Variants in RMP64 observed in about 807,000 individuals in gnomAD.
RMP64 encodes ribonuclease MRP subunit p64.
chr3:113,003,668 G>A, the RMP64 span: 2 of 152,230 alleles, frequency 1.3e-5, no homozygotes, highest in Non-Finnish European at 2.9e-5. Context: ...CCCAGTCCAT[G>A]CTATATTGTC....
chr3:113,014,114 C>A, the RMP64 span: 2 of 849,410 alleles, frequency 2.4e-6, no homozygotes, highest in Non-Finnish European at 4.0e-6. Flanking sequence ...GCAAAGACTT[C>A]TAGATTTTCA....
the RMP64 span, chr3:113,005,000 T>C: frequency 3.1e-5 from 5 of 159,482 alleles, no homozygotes; most frequent in Non-Finnish European, 5.6e-5. Flanking sequence ...TCCCTGGTAA[T>C]ACAAGCAGTG....
At chr3:113,013,463 T>TG in the RMP64 span, 33 of 50,570 alleles carry the variant, frequency 6.5e-4, no homozygotes, top group Non-Finnish European at 6.7e-4. Context: ...TTTTTTTTTG[T>TG]TTTTTTTTTT....
chr3:113,007,003 T>A, the RMP64 span, among the ~76,000 whole-genome samples: 104 of 152,304 alleles, frequency 6.8e-4, 1 homozygote, highest in East Asian at 0.017. Context: ...GAGCACTATA[T>A]CTGGGGGAGT....
At chr3:113,010,940 G>T in the RMP64 span, 1 of 1,049,634 alleles carries the variant, frequency 9.5e-7, no homozygotes, top group Non-Finnish European at 1.4e-6. Context: ...TAAGATGTGA[G>T]ATGTTGAATT....
At chr3:113,005,717 T>C in the RMP64 span, 1 of 1,614,104 alleles carries the variant, frequency 6.2e-7, no homozygotes, top group South Asian at 1.1e-5. Context: ...AACTCCACTA[T>C]TCAAGAGCTG....
chr3:113,005,734 G>GTT, the RMP64 span: 43 of 1,613,900 alleles, frequency 2.7e-5, no homozygotes, highest in East Asian at 9.4e-4. Context: ...GCTGCTTACT[G>GTT]TTAGGGTAGA....
the RMP64 span, chr3:113,019,535 C>A: frequency 6.2e-7 from 1 of 1,609,036 alleles, no homozygotes; most frequent in Non-Finnish European, 8.5e-7. Flanking sequence ...CCCGGCGCCT[C>A]ACTCACCAAG....
At chr3:113,008,421 A>T in the RMP64 span, 6 of 1,609,890 alleles carry the variant, frequency 3.7e-6, no homozygotes, top group Non-Finnish European at 5.1e-6. Context: ...TTAAAATCAA[A>T]ACTGGTCTCC....
chr3:113,013,961 A>C, the RMP64 span: 11 of 1,612,376 alleles, frequency 6.8e-6, no homozygotes, highest in Non-Finnish European at 8.5e-6. Context: ...ACTTGGAAGA[A>C]AACAACTCAA....
chr3:113,006,308 A>AT, the RMP64 span, among the ~76,000 whole-genome samples: 25 of 152,354 alleles, frequency 1.6e-4, no homozygotes, highest in African/African-American at 4.1e-4. Context: ...CTTTTCCCTC[A>AT]TAACTGCTAA....
the RMP64 span, chr3:113,010,531 C>G: frequency 1.4e-5 from 12 of 844,870 alleles, no homozygotes; most frequent in African/African-American, 1.5e-4. Flanking sequence ...TAAGAAGGCA[C>G]TAAGCTTAGA....
At chr3:113,017,305 G>GT in the RMP64 span, 1 of 565,026 alleles carries the variant, frequency 1.8e-6, no homozygotes, top group Non-Finnish European at 3.0e-6. Flanking sequence ...AAGTGCACAT[G>GT]TAACTGTGGG....
At chr3:113,008,162 T>TAC in the RMP64 span, 7 of 1,605,970 alleles carry the variant, frequency 4.4e-6, no homozygotes, top group Non-Finnish European at 6.0e-6. Context: ...ATTTTTGCAA[T>TAC]ATACCTACCT....
chr3:113,004,762 C>CTT, the RMP64 span: 1 of 152,228 alleles, frequency 6.6e-6, no homozygotes, highest in Admixed American at 6.5e-5. Flanking sequence ...CCTGGGTCTA[C>CTT]TTTGTATCTC....
chr3:113,008,285 AT>A, the RMP64 span: 2 of 1,614,160 alleles, frequency 1.2e-6, no homozygotes, highest in South Asian at 2.2e-5. Flanking sequence ...TGCCATCTGG[AT>A]TTCTTCAGAA....
At chr3:113,016,437 C>T in the RMP64 span, among the ~76,000 whole-genome samples, 2 of 91,158 alleles carry the variant, frequency 2.2e-5, no homozygotes, top group Non-Finnish European at 3.4e-5. Context: ...GGGAGAGCTA[C>T]GTAAGAGAGA....
At chr3:113,015,856 A>AT in the RMP64 span, among the ~76,000 whole-genome samples, 19 of 150,220 alleles carry the variant, frequency 1.3e-4, no homozygotes, top group African/African-American at 3.2e-4. Flanking sequence ...ATAGCCAAGA[A>AT]TTTAAAAAAA....
At chr3:113,019,576 G>C in the RMP64 span, 2 of 1,613,808 alleles carry the variant, frequency 1.2e-6, no homozygotes, top group Non-Finnish European at 8.5e-7. Context: ...CTGTCACTGC[G>C]CTGCGGTTCC....
Sources: allele counts gnomAD v4.1 joint callset (sites outside exome capture counted in the v4.1 genomes callset), GRCh38; gene constraint gnomAD v4.1.1; transcripts MANE v1.5; gene names NCBI Gene and HGNC (gene_info 2026-07-23, HGNC 2026-07-21).